DLG2: variants seen among roughly 807,000 people sequenced by gnomAD.
DLG2 encodes the protein discs large MAGUK scaffold protein 2, also known as disks large homolog 2.
DLG2 carries 45 observed loss-of-function variants against 132.5 expected under a neutral mutation model. The observed-to-expected ratio is 0.34, with a 90% confidence interval of 0.27 to 0.44. The LOEUF is 0.44. DLG2 is among the 20% of genes least tolerant of loss of function. The probability of loss-of-function intolerance (pLI) is 1.00; values close to 1 mark genes in which losing one functional copy is unlikely to be tolerated. For synonymous variants in DLG2, 424 were observed against 419.6 expected, an observed-to-expected ratio of 1.01 and a Z score of -0.13; for missense variants, 1,045 against 1,196.9, an observed-to-expected ratio of 0.87 and a Z score of 1.87.
intron 7 of DLG2, among the ~76,000 whole-genome samples, chr11:84,515,011 T>C (rs1312675474): frequency 6.6e-6 from 1 of 151,642 alleles, no homozygotes; most frequent in Non-Finnish European, 1.5e-5. Flanking sequence ...CATTTTAAAA[T>C]AAGTCTCATG....
chr11:83,744,745 C>T (rs1012394434), intron 18 of DLG2, among the ~76,000 whole-genome samples: 2 of 152,122 alleles, frequency 1.3e-5, no homozygotes. Flanking sequence ...TTATGATTCA[C>T]CACTTCTGGG....
At chr11:85,504,446 C>T (rs1473978399) in intron 3 of DLG2, among the ~76,000 whole-genome samples, 2 of 152,264 alleles carry the variant, frequency 1.3e-5, no homozygotes, top group East Asian at 3.9e-4. Flanking sequence ...GCCAGTTTTC[C>T]CAGCACCATT....
At chr11:83,818,324 C>T (rs570595116) in intron 17 of DLG2, among the ~76,000 whole-genome samples, 109 of 152,268 alleles carry the variant, frequency 7.2e-4, no homozygotes, top group African/African-American at 1.1e-3. Context: ...ATGAAAAAAT[C>T]GTTTATCTTA....
chr11:85,558,418 G>C (rs568809739), intron 3 of DLG2, among the ~76,000 whole-genome samples: 2 of 152,028 alleles, frequency 1.3e-5, no homozygotes, highest in South Asian at 4.2e-4. Flanking sequence ...ACCACCATTT[G>C]ACCCAGCAAT....
intron 16 of DLG2, among the ~76,000 whole-genome samples, chr11:83,858,290 C>T (rs566711940): frequency 2.0e-5 from 3 of 152,286 alleles, no homozygotes; most frequent in East Asian, 3.9e-4. Flanking sequence ...CAAAACCACA[C>T]TGCAAAAGGT....
chr11:83,762,345 A>G (rs2093943591), intron 18 of DLG2, among the ~76,000 whole-genome samples: 1 of 152,230 alleles, frequency 6.6e-6, no homozygotes, highest in Non-Finnish European at 1.5e-5. Flanking sequence ...AGAGCAGGGA[A>G]GACCATGCTG....
chr11:85,436,889 T>C (rs573338854), intron 3 of DLG2, among the ~76,000 whole-genome samples: 77 of 152,274 alleles, frequency 5.1e-4, no homozygotes, highest in Non-Finnish European at 5.4e-4. Context: ...AGCAAAGACA[T>C]GGAACCAACC....
At chr11:83,775,136 T>C (rs2094534807) in intron 18 of DLG2, among the ~76,000 whole-genome samples, 1 of 152,240 alleles carries the variant, frequency 6.6e-6, no homozygotes, top group South Asian at 2.1e-4. Context: ...AACTGGGTGC[T>C]AAACTCTCCA....
At chr11:83,767,644 G>C (rs754294208) in intron 18 of DLG2, among the ~76,000 whole-genome samples, 4 of 152,124 alleles carry the variant, frequency 2.6e-5, no homozygotes, top group Admixed American at 6.5e-5. Flanking sequence ...CTCTGAAAAG[G>C]AAACAATCAT....
chr11:83,990,126 A>G (rs961782489), intron 11 of DLG2, among the ~76,000 whole-genome samples: 5 of 152,162 alleles, frequency 3.3e-5, no homozygotes, highest in African/African-American at 1.2e-4. Flanking sequence ...GCTGACACAG[A>G]AAAATGTAAG....
chr11:85,497,075 G>C (rs2093684102), intron 3 of DLG2, among the ~76,000 whole-genome samples: 1 of 152,068 alleles, frequency 6.6e-6, no homozygotes, highest in African/African-American at 2.4e-5. Flanking sequence ...GATGGAGAAT[G>C]AGTTTGATGA....
chr11:85,486,959 G>A (rs1042272172), intron 3 of DLG2, among the ~76,000 whole-genome samples: 5 of 150,100 alleles, frequency 3.3e-5, no homozygotes, highest in African/African-American at 9.9e-5. Context: ...CTAGTCCCAT[G>A]CATAACTTCA....
chr11:84,291,358 C>T (rs1429427212), intron 7 of DLG2, among the ~76,000 whole-genome samples: 2 of 152,052 alleles, frequency 1.3e-5, no homozygotes, highest in African/African-American at 2.4e-5. Context: ...TGCGCAAATC[C>T]TAACTATCTC....
At chr11:85,208,984 C>T (rs1341576856) in intron 4 of DLG2, among the ~76,000 whole-genome samples, 1 of 152,090 alleles carries the variant, frequency 6.6e-6, no homozygotes, top group Admixed American at 6.6e-5. Context: ...ATATGTAAGT[C>T]CTTTGCAAGT....
intron 18 of DLG2, among the ~76,000 whole-genome samples, chr11:83,762,128 G>T (rs1484966547): frequency 6.6e-6 from 1 of 152,178 alleles, no homozygotes; most frequent in East Asian, 1.9e-4. Context: ...GGTTTCAAAA[G>T]AGAAATTAAT....
intron 6 of DLG2, among the ~76,000 whole-genome samples, chr11:84,813,193 T>TAC (rs753451122): frequency 5.5e-5 from 8 of 145,570 alleles, no homozygotes; most frequent in South Asian, 2.2e-4. Flanking sequence ...CACACACACA[T>TAC]ACACACACAC....
At chr11:84,833,858 C>T (rs1258210854) in intron 6 of DLG2, among the ~76,000 whole-genome samples, 1 of 151,626 alleles carries the variant, frequency 6.6e-6, no homozygotes, top group Non-Finnish European at 1.5e-5. Context: ...TTCTGGACTT[C>T]CAAATAGCTG....
intron 18 of DLG2, among the ~76,000 whole-genome samples, chr11:83,780,313 T>G (rs1159419409): frequency 6.6e-6 from 1 of 152,182 alleles, no homozygotes; most frequent in Non-Finnish European, 1.5e-5. Context: ...CATAGAGAAA[T>G]GCACCGTGGT....
intron 3 of DLG2, among the ~76,000 whole-genome samples, chr11:85,304,781 A>G (rs1358836688): frequency 6.6e-6 from 1 of 152,232 alleles, no homozygotes; most frequent in Non-Finnish European, 1.5e-5. Flanking sequence ...ATCTGACAAC[A>G]TGGAAGTCAT....
Sources: gnomAD v4.1 joint callset for allele counts (sites outside exome capture counted in the v4.1 genomes callset) on GRCh38, gnomAD v4.1.1 for gene constraint, MANE v1.5 for transcripts, NCBI Gene and HGNC (gene_info 2026-07-23, HGNC 2026-07-21) for gene names.